Variants in AKAP13 observed in about 807,000 individuals in gnomAD.
The protein encoded by AKAP13 is A-kinase anchoring protein 13.
A neutral mutation model predicts 264.5 loss-of-function variants in AKAP13; 80 were observed. The observed-to-expected ratio is 0.30, with a 90% CI of 0.25 to 0.36. The LOEUF is 0.36. Among genes scored for constraint, AKAP13 ranks in the 10% least tolerant of loss-of-function variants. The pLI, the probability that AKAP13 is intolerant of heterozygous loss-of-function variation, is 1.00. For synonymous variants in AKAP13, 1,380 were observed against 1,250.2 expected (o/e 1.10, Z -2.19); for missense variants, 3,712 against 3,435.2 (o/e 1.08, Z -2.01).
intron 1 of AKAP13, among the ~76,000 whole-genome samples, chr15:85,391,847 C>T (rs142517792): frequency 0.011 from 1,687 of 152,044 alleles, 106 homozygotes; most frequent in Admixed American, 0.099. Context: ...TGCAGCGGTG[C>T]GATCTCGGCT....
chr15:85,480,981 C>T (rs1026451178), intron 1 of AKAP13: 41 of 152,338 alleles, frequency 2.7e-4, no homozygotes, highest in African/African-American at 6.3e-4. Context: ...CGTGTGCCAC[C>T]GCGTCTGTCC....
intron 1 of AKAP13, among the ~76,000 whole-genome samples, chr15:85,443,775 G>A (rs993355818): frequency 5.3e-5 from 3 of 57,002 alleles, no homozygotes; most frequent in Non-Finnish European, 1.4e-4. Context: ...AAAAAAAAGT[G>A]TGTGTGTGTG....
At chr15:85,437,650 C>T (rs2073376659) in intron 1 of AKAP13, among the ~76,000 whole-genome samples, 1 of 152,148 alleles carries the variant, frequency 6.6e-6, no homozygotes, top group Non-Finnish European at 1.5e-5. Flanking sequence ...TCCCGGGATG[C>T]AAGGCTGGTT....
In AKAP13 at chr15:85,581,543, A is replaced by G. The variant is rs115407643; in HGVS notation, c.3475A>G (p.Lys1159Glu). The G allele has an allele frequency of 5.0e-6, 8 of 1,614,092 alleles. No individual in the cohort carries two copies. In the East Asian group the frequency reaches 1.8e-4, roughly 36 times the overall value. The change falls in exon 7 of 37, where the codon AAA becomes GAA. Residue 1159 changes from lysine to glutamate, a missense_variant. Transcript: ENST00000394518. ...TPEMIPLDWE[K>E]GKLEGADHSC... ...AGAGATGATACCTCTTGATTGGGAGAAAGGGAAGCTGGAGGGAGCAGACCA... is the reference window on the plus strand; with the variant it reads ...AGAGATGATACCTCTTGATTGGGAGGAAGGGAAGCTGGAGGGAGCAGACCA...
intron 8 of AKAP13, among the ~76,000 whole-genome samples, chr15:85,622,583 C>T (rs1389072536): frequency 6.6e-6 from 1 of 152,064 alleles, no homozygotes; most frequent in Non-Finnish European, 1.5e-5. Flanking sequence ...GTTAGCCTGC[C>T]GTTATGATAG....
At chr15:85,488,348 T>C (rs11633604) in intron 2 of AKAP13, among the ~76,000 whole-genome samples, 2 of 152,036 alleles carry the variant, frequency 1.3e-5, no homozygotes, top group Non-Finnish European at 2.9e-5. Context: ...TTGAGGACTC[T>C]TGTGTCTATA....
intron 14 of AKAP13, among the ~76,000 whole-genome samples, chr15:85,674,562 GC>G (rs1567188088): frequency 6.6e-6 from 1 of 152,174 alleles, no homozygotes; most frequent in East Asian, 1.9e-4. Flanking sequence ...ATGTGAGTTT[GC>G]CAAGTTTCTT....
At position 85,743,447 on chromosome 15, in the gene AKAP13, C is replaced by T. The variant is rs762638373; in HGVS notation, c.8059-45C>T. ...GGATTTATTGAGTTGGCATCACGGA[C>T]GCTGACAGCCTCCAAGTGAAAACCC... On this transcript the variant is annotated intron_variant, in intron 35 of 36. Transcript: ENST00000394518. The T allele has an allele frequency of 2.6e-5, 41 of 1,573,144 alleles. No individual in the cohort carries two copies. The South Asian group carries it at 3.6e-4, about 14-fold the overall frequency.
At chr15:85,469,495 C>G (rs1157385116) in intron 1 of AKAP13, among the ~76,000 whole-genome samples, 1 of 152,066 alleles carries the variant, frequency 6.6e-6, no homozygotes, top group Non-Finnish European at 1.5e-5. Flanking sequence ...AGCATTGATC[C>G]CTAAGTTTAC....
intron 9 of AKAP13, among the ~76,000 whole-genome samples, chr15:85,640,748 A>G (rs1236104648): frequency 2.6e-5 from 4 of 152,064 alleles, no homozygotes; most frequent in Non-Finnish European, 1.5e-5. Context: ...TGTAATTAAA[A>G]CCACCCAAGA....
chr15:85,671,826 G>A (rs932722875), intron 14 of AKAP13, among the ~76,000 whole-genome samples: 3 of 152,124 alleles, frequency 2.0e-5, no homozygotes, highest in Non-Finnish European at 4.4e-5. Flanking sequence ...ACCAGCAAGT[G>A]TCGTGACATA....
At chr15:85,509,583 G>C (rs1221178097) in intron 2 of AKAP13, among the ~76,000 whole-genome samples, 1 of 152,130 alleles carries the variant, frequency 6.6e-6, no homozygotes, top group Non-Finnish European at 1.5e-5. Context: ...CTGCTTTGCT[G>C]TGACCGTGCC....
intron 1 of AKAP13, among the ~76,000 whole-genome samples, chr15:85,384,673 T>C (rs1341205961): frequency 1.4e-5 from 2 of 147,856 alleles, no homozygotes; most frequent in African/African-American, 5.0e-5. Flanking sequence ...GCCGAGATCA[T>C]GCCACTGTGC....
chr15:85,486,861 C>G (rs539428101), intron 2 of AKAP13, among the ~76,000 whole-genome samples: 31 of 151,588 alleles, frequency 2.0e-4, no homozygotes, highest in African/African-American at 7.0e-4. Context: ...GCCTCAGCCT[C>G]CCAAGTAGCT....
intron 5 of AKAP13, among the ~76,000 whole-genome samples, chr15:85,561,563 T>C (rs2078379006): frequency 6.6e-6 from 1 of 152,240 alleles, no homozygotes; most frequent in African/African-American, 2.4e-5. Flanking sequence ...CTGTCTAGTA[T>C]AAAATTGATT....
intron 5 of AKAP13, among the ~76,000 whole-genome samples, chr15:85,560,307 G>A (rs960158778): frequency 1.3e-5 from 2 of 151,812 alleles, no homozygotes; most frequent in East Asian, 1.9e-4. Context: ...CCACCAGGCC[G>A]GGCTAATTTT....
intron 9 of AKAP13, among the ~76,000 whole-genome samples, chr15:85,644,676 C>A (rs2082467626): frequency 8.4e-6 from 1 of 118,882 alleles, no homozygotes; most frequent in Non-Finnish European, 1.6e-5. Context: ...GGTGAAACCT[C>A]ATCTCTACTA....
intron 17 of AKAP13, among the ~76,000 whole-genome samples, chr15:85,704,144 G>A (rs1357154580): frequency 6.6e-6 from 1 of 152,144 alleles, no homozygotes; most frequent in African/African-American, 2.4e-5. Flanking sequence ...GCTCACATCT[G>A]TAGGCAGAAC....
chr15:85,530,635 C>T (rs1488524219), intron 3 of AKAP13, among the ~76,000 whole-genome samples: 1 of 152,184 alleles, frequency 6.6e-6, no homozygotes, highest in Non-Finnish European at 1.5e-5. Context: ...TCATATCTAC[C>T]TCAAAGGACT....
Sources: allele counts gnomAD v4.1 joint callset (sites outside exome capture counted in the v4.1 genomes callset), GRCh38; gene constraint gnomAD v4.1.1; transcripts MANE v1.5; gene names NCBI Gene and HGNC (gene_info 2026-07-23, HGNC 2026-07-21).